The following HACE1 variants were observed in gnomAD, a reference collection of about 807,000 sequenced individuals.
HACE1 encodes the protein E3 ubiquitin-protein ligase HACE1.
Under a neutral mutation model 118.4 loss-of-function variants are expected in HACE1, and 73 were observed. That is an observed-to-expected ratio of 0.62 (90% CI 0.51 to 0.75). HACE1 has a LOEUF of 0.75. Among genes scored for constraint, HACE1 ranks in the 30% least tolerant of loss-of-function variants. The probability of loss-of-function intolerance (pLI) is 0.00; values close to 1 mark genes in which losing one functional copy is unlikely to be tolerated. For missense variants in HACE1, 749 were observed against 1,102.2 expected (o/e 0.68, Z 4.54); for synonymous variants, 368 against 374.8 (o/e 0.98, Z 0.21).
chr6:104,857,073 TAGAG>T (rs909073916), intron 1 of HACE1, among the ~76,000 whole-genome samples: 8 of 151,454 alleles, frequency 5.3e-5, no homozygotes, highest in Admixed American at 1.3e-4. Flanking sequence ...TTTCTAAATT[TAGAG>T]AGATCTCAGA....
intron 7 of HACE1, among the ~76,000 whole-genome samples, chr6:104,802,277 A>G (rs1770461283): frequency 2.6e-5 from 4 of 152,278 alleles, no homozygotes; most frequent in South Asian, 4.1e-4. Flanking sequence ...GGGAGACTTA[A>G]ACACCCCACT....
At chr6:104,800,541 C>T (rs1279800858) in intron 7 of HACE1, among the ~76,000 whole-genome samples, 1 of 152,182 alleles carries the variant, frequency 6.6e-6, no homozygotes, top group East Asian at 1.9e-4. Context: ...GCAATATTTG[C>T]TGTTCTGCAG....
chr6:104,772,328 T>C lies in HACE1; in HGVS notation c.1865-254A>G, dbSNP rs529978697. Among the ~76,000 whole-genome samples, 6 of 152,290 alleles carry C rather than the reference T, an allele frequency of 3.9e-5. No individual in the cohort carries two copies. The South Asian group carries it at 1.2e-3, about 32-fold the overall frequency. On this transcript the variant is annotated intron_variant, in intron 17 of 23. Coordinates refer to ENST00000262903, the MANE Select transcript of HACE1 (RefSeq NM_020771.4). ...CAGAGAGAAAATTTTAGAGTACTTT[T>C]GACTGAAATTAGTTGGAAGATCATC...
At chr6:104,768,663 T>C (rs1300521388) in intron 19 of HACE1, among the ~76,000 whole-genome samples, 1 of 152,098 alleles carries the variant, frequency 6.6e-6, no homozygotes, top group Non-Finnish European at 1.5e-5. Context: ...TGAGAATGTA[T>C]AACATTAATA....
intron 5 of HACE1, among the ~76,000 whole-genome samples, chr6:104,839,143 T>C (rs1198159332): frequency 6.6e-6 from 1 of 152,146 alleles, no homozygotes; most frequent in African/African-American, 2.4e-5. Flanking sequence ...CTATCATATG[T>C]TGTTGGTGGG....
At chr6:104,736,696 A>T (rs1444863997) in intron 22 of HACE1, among the ~76,000 whole-genome samples, 1 of 152,192 alleles carries the variant, frequency 6.6e-6, no homozygotes, top group Admixed American at 6.5e-5. Context: ...AAAACAATAT[A>T]TTAAATTATT....
chr6:104,831,435 A>C (rs1460040148), intron 6 of HACE1: 4 of 152,046 alleles, frequency 2.6e-5, no homozygotes, highest in African/African-American at 9.7e-5. Flanking sequence ...AAATACAAAA[A>C]GTAGCTGGGT....
chr6:104,854,035 T>C (rs1218294990), intron 1 of HACE1, among the ~76,000 whole-genome samples: 1 of 152,222 alleles, frequency 6.6e-6, no homozygotes, highest in Admixed American at 6.5e-5. Flanking sequence ...AATATTGTGC[T>C]GTGCCTCCCG....
chr6:104,776,712 GA>G, intron 17 of HACE1, 28 bp downstream of exon 17: 2 of 1,342,448 alleles, frequency 1.5e-6, no homozygotes, highest in Non-Finnish European at 2.1e-6. Flanking sequence ...ACAAGTTGCA[GA>G]AAAAGTCATC....
chr6:104,758,554 A>G (rs948377231), intron 19 of HACE1, among the ~76,000 whole-genome samples: 8 of 152,222 alleles, frequency 5.3e-5, no homozygotes, highest in Non-Finnish European at 8.8e-5. Flanking sequence ...AGGAAGCACT[A>G]AACATGGAAA....
At position 104,797,080 on chromosome 6, in the gene HACE1, T is replaced by C. The variant is rs945752490; in HGVS notation, c.618-55A>G. The C allele has an allele frequency of 9.4e-6, 9 of 961,006 alleles. No individual in the cohort carries two copies. The East Asian group carries it at 1.9e-4, about 20-fold the overall frequency. The allele number at this position is 961,006 out of a possible 1,614,324, so 59.5% of individuals were successfully genotyped here. On this transcript the variant is annotated intron_variant, in intron 7 of 23. Transcript: ENST00000262903. ...ACAATCTTTTTAAAGTCTTTCTCTATGAATTATGGATAGTTAATATGAGTC... is the reference window on the plus strand; with the variant it reads ...ACAATCTTTTTAAAGTCTTTCTCTACGAATTATGGATAGTTAATATGAGTC...
At chr6:104,795,461 G>C in intron 10 of HACE1, 118 bp downstream of exon 10, 1 of 733,890 alleles carries the variant, frequency 1.4e-6, no homozygotes, top group Middle Eastern at 2.3e-4. Context: ...CCAGAAGTCA[G>C]CAAATTTTTA....
intron 19 of HACE1, among the ~76,000 whole-genome samples, chr6:104,764,267 G>A (rs912124721): frequency 1.5e-4 from 23 of 152,124 alleles, no homozygotes; most frequent in African/African-American, 4.8e-4. Context: ...TAGTAGAGAC[G>A]GGGTTTCACC....
At chr6:104,840,125 G>A (rs187248346) in intron 5 of HACE1, among the ~76,000 whole-genome samples, 7 of 152,170 alleles carry the variant, frequency 4.6e-5, no homozygotes, top group East Asian at 3.9e-4. Context: ...GAGGAAACTC[G>A]GCAAAAAGTG....
chr6:104,772,743 T>C (rs888057386), intron 17 of HACE1, among the ~76,000 whole-genome samples: 1 of 152,140 alleles, frequency 6.6e-6, no homozygotes, highest in African/African-American at 2.4e-5. Context: ...AAGTTACCAA[T>C]TACTATGAAA....
At position 104,848,399 on chromosome 6, in the gene HACE1, C is replaced by A. The variant is rs1356590289; in HGVS notation, c.326+743G>T. On this transcript the variant is annotated intron_variant, in intron 4 of 23. Coordinates refer to ENST00000262903, the MANE Select transcript of HACE1 (RefSeq NM_020771.4). The stretch of plus-strand genomic sequence containing the variant: ...TGAACTCGGGAGATAGAGGTTGCAG[C>A]GAGCCGAGACTGTGCCACTGCACTC... Among the ~76,000 whole-genome samples the A allele has an allele frequency of 2.0e-5, 3 of 148,944 alleles. No homozygotes were observed. In the East Asian group the frequency reaches 6.1e-4, roughly 30 times the overall value.
In HACE1 at chr6:104,791,472, A is replaced by G. The variant is rs12660187; in HGVS notation, c.1074+32T>C. 34 of 1,573,018 alleles carry G rather than the reference A, an allele frequency of 2.2e-5. 1 individual carries two copies. In the East Asian group the frequency reaches 5.8e-4, roughly 27 times the overall value. ...TGTCAAATTCATCTCTTTTACGTCT[A>G]TCTTCCTAACAATGCCATATACTTT... On this transcript the variant is annotated intron_variant, in intron 11 of 23. Transcript: ENST00000262903.
chr6:104,842,744 G>A (rs1775240350), intron 5 of HACE1, among the ~76,000 whole-genome samples: 1 of 152,074 alleles, frequency 6.6e-6, no homozygotes, highest in South Asian at 2.1e-4. Flanking sequence ...AGAGAAATAT[G>A]GTAAGCCATA....
At chr6:104,756,774 G>T (rs1562299959) in intron 19 of HACE1, among the ~76,000 whole-genome samples, 2 of 152,204 alleles carry the variant, frequency 1.3e-5, no homozygotes, top group Non-Finnish European at 2.9e-5. Flanking sequence ...GGGGTCAGGG[G>T]TTTTCCCCTT....
Sources: gnomAD v4.1 joint callset for allele counts (sites outside exome capture counted in the v4.1 genomes callset) on GRCh38, gnomAD v4.1.1 for gene constraint, MANE v1.5 for transcripts, NCBI Gene and HGNC (gene_info 2026-07-23, HGNC 2026-07-21) for gene names.